Variants in EYS observed in about 807,000 individuals in gnomAD.
The protein encoded by EYS is EGF-like photoreceptor maintenance factor.
In EYS, 250 loss-of-function variants were observed where a neutral mutation model predicts 282.1. The ratio of observed to expected loss-of-function variants is 0.89; its 90% confidence interval spans 0.80 to 0.98. EYS has a LOEUF of 0.98. Among genes scored for constraint, EYS ranks in the 50% least tolerant of loss-of-function variants. The pLI is 0.00. For missense variants in EYS, 4,016 were observed against 3,709.0 expected (o/e 1.08, Z -2.15); for synonymous variants, 1,355 against 1,282.9 (o/e 1.06, Z -1.20).
At chr6:65,335,717 T>C (rs547091969) in intron 10 of EYS, among the ~76,000 whole-genome samples, 1 of 151,868 alleles carries the variant, frequency 6.6e-6, no homozygotes, top group African/African-American at 2.4e-5. Context: ...ACTTGCTGAA[T>C]ATGTCTGACT....
chr6:64,713,164 T>C (rs1771265766), intron 22 of EYS: 2 of 152,180 alleles, frequency 1.3e-5, no homozygotes, highest in South Asian at 2.1e-4. Context: ...GTAATAAATA[T>C]AAAATCAAGG....
intron 16 of EYS, among the ~76,000 whole-genome samples, chr6:64,911,685 T>C (rs73454606): frequency 9.2e-5 from 14 of 152,262 alleles, no homozygotes; most frequent in African/African-American, 3.4e-4. Flanking sequence ...TTTTTTATAT[T>C]ATGCTTATGA....
At chr6:65,585,560 A>G (rs1053704085) in intron 2 of EYS, among the ~76,000 whole-genome samples, 6 of 152,004 alleles carry the variant, frequency 3.9e-5, no homozygotes, top group African/African-American at 1.4e-4. Flanking sequence ...AATAAATAAT[A>G]CAATGCAATT....
chr6:65,095,580 A>G (rs1205713247), intron 12 of EYS, among the ~76,000 whole-genome samples: 1 of 151,232 alleles, frequency 6.6e-6, no homozygotes, highest in Non-Finnish European at 1.5e-5. Context: ...TCAATAAAGT[A>G]TATCTTTATC....
intron 35 of EYS, among the ~76,000 whole-genome samples, chr6:63,918,237 C>A (rs976029480): frequency 1.3e-5 from 2 of 151,884 alleles, no homozygotes; most frequent in Non-Finnish European, 2.9e-5. Context: ...CATGAGATTA[C>A]GTGATTAATT....
intron 8 of EYS, among the ~76,000 whole-genome samples, chr6:65,359,606 T>C (rs1450786035): frequency 6.6e-6 from 1 of 152,048 alleles, no homozygotes; most frequent in African/African-American, 2.4e-5. Flanking sequence ...AATTACAGCA[T>C]CTATATTCCC....
intron 31 of EYS, among the ~76,000 whole-genome samples, chr6:64,205,085 A>G (rs1765575934): frequency 6.6e-6 from 1 of 152,166 alleles, no homozygotes; most frequent in Non-Finnish European, 1.5e-5. Flanking sequence ...AAATTGTCAT[A>G]AAGTGTAGAG....
intron 26 of EYS, among the ~76,000 whole-genome samples, chr6:64,588,118 C>A (rs970098498): frequency 9.2e-5 from 14 of 151,986 alleles, no homozygotes; most frequent in African/African-American, 3.4e-4. Flanking sequence ...TTATCATATT[C>A]ATGCTAAGAA....
At chr6:65,330,913 C>T in intron 11 of EYS, 1 of 980,750 alleles carries the variant, frequency 1.0e-6, no homozygotes, top group East Asian at 1.1e-4. Flanking sequence ...TCCTCAATAC[C>T]ATTTACTAAA....
rs562969150 is a variant in EYS at position 64,241,626 on chromosome 6, G to A, written c.6192-10802C>T. On this transcript the variant is annotated intron_variant, in intron 30 of 42. Transcript: ENST00000503581. ...TTTGTTGATCTTTTCAAAAAAAACAGCTCCTGGATTCATTGATTTTTTGAA... is the reference window on the plus strand; with the variant it reads ...TTTGTTGATCTTTTCAAAAAAAACAACTCCTGGATTCATTGATTTTTTGAA... 1.1e-3 allele frequency among the ~76,000 whole-genome samples: 172 copies of A among 151,704 alleles called. 1 individual carries two copies. The highest frequency in any genetic ancestry group is 2.1e-3 in the Non-Finnish European group (143 of 67,870).
At chr6:65,307,954 G>A (rs1389316414) in intron 11 of EYS, among the ~76,000 whole-genome samples, 1 of 150,612 alleles carries the variant, frequency 6.6e-6, no homozygotes, top group Non-Finnish European at 1.5e-5. Context: ...ATTGAATAAA[G>A]AGCCTTTTAT....
chr6:64,989,799 TACACAC>T (rs3033931), intron 14 of EYS, among the ~76,000 whole-genome samples: 6,709 of 140,072 alleles, frequency 0.048, 412 homozygotes, highest in African/African-American at 0.14. Flanking sequence ...TATATATTCA[TACACAC>T]ACACACACAC....
At chr6:65,080,709 G>A (rs1471515003) in intron 12 of EYS, among the ~76,000 whole-genome samples, 1 of 151,740 alleles carries the variant, frequency 6.6e-6, no homozygotes, top group African/African-American at 2.4e-5. Flanking sequence ...CTTTCCAGCT[G>A]TTTGTTAATT....
chr6:65,266,985 T>TAGAGAGAGAG, intron 12 of EYS, among the ~76,000 whole-genome samples: 1 of 124,716 alleles, frequency 8.0e-6, no homozygotes, highest in East Asian at 2.1e-4. Context: ...GACATATATA[T>TAGAGAGAGAG]ATATAGAGAG....
intron 12 of EYS, among the ~76,000 whole-genome samples, chr6:65,251,034 C>A (rs1305855845): frequency 3.0e-4 from 25 of 82,490 alleles, no homozygotes; most frequent in South Asian, 1.1e-3. Flanking sequence ...ATATAAATAA[C>A]AACAGAAAAA....
chr6:65,468,109 C>A (rs1162507934), intron 5 of EYS, among the ~76,000 whole-genome samples: 3 of 152,072 alleles, frequency 2.0e-5, no homozygotes, highest in African/African-American at 7.2e-5. Context: ...GGAAAATTAA[C>A]CTCCTGAGCA....
At chr6:65,247,973 C>T (rs557557188) in intron 12 of EYS, among the ~76,000 whole-genome samples, 1 of 152,042 alleles carries the variant, frequency 6.6e-6, no homozygotes, top group South Asian at 2.1e-4. Flanking sequence ...CTGTATAATA[C>T]ATTAAAGACC....
intron 32 of EYS, among the ~76,000 whole-genome samples, chr6:64,080,419 C>A (rs1436611665): frequency 6.6e-6 from 1 of 151,818 alleles, no homozygotes; most frequent in Non-Finnish European, 1.5e-5. Context: ...TGTTTTTTTT[C>A]TTGTAAATTT....
intron 30 of EYS, among the ~76,000 whole-genome samples, chr6:64,231,527 C>T (rs1336588545): frequency 6.6e-6 from 1 of 151,906 alleles, no homozygotes; most frequent in African/African-American, 2.4e-5. Flanking sequence ...CTGAAATTTC[C>T]TAATATTGGA....
Sources: gnomAD v4.1 joint callset for allele counts (sites outside exome capture counted in the v4.1 genomes callset) on GRCh38, gnomAD v4.1.1 for gene constraint, MANE v1.5 for transcripts, NCBI Gene and HGNC (gene_info 2026-07-23, HGNC 2026-07-21) for gene names.